ACE: variants seen among roughly 807,000 people sequenced by gnomAD.
ACE encodes angiotensin-converting enzyme.
Under a neutral mutation model 162.3 loss-of-function variants are expected in ACE, and 122 were observed. The ratio of observed to expected loss-of-function variants is 0.75; its 90% CI spans 0.65 to 0.87. ACE has a LOEUF of 0.87. ACE is among the 40% of genes least tolerant of loss of function. The probability of loss-of-function intolerance (pLI) is 0.00; values close to 1 mark genes in which losing one functional copy is unlikely to be tolerated. For synonymous variants in ACE, 796 were observed against 720.6 expected, an observed-to-expected ratio of 1.10 and a Z score of -1.68; for missense variants, 1,799 against 1,735.1, an observed-to-expected ratio of 1.04 and a Z score of -0.65.
chr17:63,477,753 C>T, intron 1 of ACE, 178 bp from the exon 2 acceptor site: 1 of 710,776 alleles, frequency 1.4e-6, no homozygotes. Context: ...GAGGCAGATT[C>T]CCTCCAGAAG....
intron 3 of ACE, among the ~76,000 whole-genome samples, 178 bp downstream of exon 3, chr17:63,479,278 T>G (rs911752088): frequency 6.6e-6 from 1 of 152,110 alleles, no homozygotes; most frequent in African/African-American, 2.4e-5. Context: ...TCTTGGCAAG[T>G]GGACTTCCGG....
At chr17:63,488,914 G>A in intron 16 of ACE, 27 bp from the exon 17 acceptor site, 1 of 1,613,920 alleles carries the variant, frequency 6.2e-7, no homozygotes, top group Non-Finnish European at 8.5e-7. Flanking sequence ...GTGGTGTTGG[G>A]AGAGCCTGGC....
At chr17:63,493,412 T>C (rs1209799441) in intron 19 of ACE, 24 bp from the exon 20 acceptor site, 1 of 1,610,792 alleles carries the variant, frequency 6.2e-7, no homozygotes, top group Non-Finnish European at 8.5e-7. Context: ...CCCAACACCC[T>C]CTCCCCCACT....
intron 23 of ACE, 109 bp from the exon 24 acceptor site, chr17:63,496,689 G>A: frequency 6.3e-7 from 1 of 1,581,008 alleles, no homozygotes; most frequent in South Asian, 1.1e-5. Context: ...GGAGCCCTGG[G>A]GCCCTGGGAC....
At position 63,491,087 on chromosome 17, in the gene ACE, G is replaced by T; in HGVS notation, c.2739+36G>T. 1.2e-6 allele frequency: 2 copies of T among 1,612,292 alleles called. No homozygotes were observed. The highest frequency in any genetic ancestry group is 1.7e-6 in the Non-Finnish European group (2 of 1,178,562). Reference sequence around the variant, plus strand: ...GCCCAGGGGCAGGGAGGCCCCGCCGGGATGGGAGGGACCCTCTGATTCAGG... The same window carrying T: ...GCCCAGGGGCAGGGAGGCCCCGCCGTGATGGGAGGGACCCTCTGATTCAGG... On this transcript the variant is annotated intron_variant, in intron 18 of 24. Coordinates refer to ENST00000290866, the MANE Select transcript of ACE (RefSeq NM_000789.4). This position sits in a 1 kb window ranked among gnomAD's most constrained non-coding sequence, Gnocchi z 4.4.
chr17:63,482,577 G>C lies in ACE; in HGVS notation c.1230G>C (p.Arg410=), dbSNP rs1166655480. ...AGGATCTGCCCGTCTCCCTGCGTCG[G>C]GGGGCCAACCCCGGCTTCCATGAGG... The part of the protein sequence containing the change: ...QYKDLPVSLR[R]GANPGFHEAI... Residue 410 remains arginine, a synonymous_variant, in exon 8 of 25, where the codon CGG becomes CGC. Transcript: ENST00000290866. 1.9e-6 allele frequency: 3 copies of C among 1,614,090 alleles called. No homozygotes were observed. The highest frequency in any genetic ancestry group is 3.3e-5 in the Admixed American group (2 of 60,018).
chr17:63,483,576 C>T lies in ACE; in HGVS notation c.1586+18C>T, dbSNP rs1355248735. ...TACATCAGGTATTAGCGCCCCCACCCCACCCACCCCCAGTACTGTCACACC... is the reference window on the plus strand; with the variant it reads ...TACATCAGGTATTAGCGCCCCCACCTCACCCACCCCCAGTACTGTCACACC... On this transcript the variant is annotated intron_variant, in intron 10 of 24. Transcript: ENST00000290866. 1 of 1,262,742 alleles carries T rather than the reference C, an allele frequency of 7.9e-7. No homozygotes were observed. 78.2% of individuals were successfully genotyped at this position (1,262,742 alleles called of 1,614,324 possible). A position where few individuals can be genotyped will look rare whatever the true frequency, so the allele number is the denominator to read the frequency against.
chr17:63,486,365 A>G, intron 13 of ACE, 192 bp from the exon 14 acceptor site: 1 of 650,736 alleles, frequency 1.5e-6, no homozygotes, highest in Non-Finnish European at 2.7e-6. Context: ...GCAGGCATCC[A>G]GGGAGGGTGA....
intron 1 of ACE, 96 bp downstream of exon 1, chr17:63,477,439 C>A: frequency 2.0e-6 from 2 of 1,018,674 alleles, no homozygotes; most frequent in Non-Finnish European, 2.4e-6. Context: ...GCGCCCCCGA[C>A]CCGAACCCCA....
In ACE at chr17:63,482,463, C is replaced by T. The variant is rs1047091674; in HGVS notation, c.1119-3C>T. The T allele has an allele frequency of 6.2e-7, 1 of 1,613,922 alleles. No homozygotes were observed. Among genetic ancestry groups the T allele is most frequent in the South Asian group, 1.1e-5 (1 of 91,040 alleles). ...TCTCACCCTCGCCCTCTCTACGCCC[C>T]AGGATCAAGCAGTGCACACGGGTCA... On this transcript the variant is annotated splice_polypyrimidine_tract_variant and splice_region_variant and intron_variant, in intron 7 of 24. Coordinates refer to ENST00000290866, the MANE Select transcript of ACE (RefSeq NM_000789.4).
At chr17:63,479,639 C>G in intron 3 of ACE, 130 bp from the exon 4 acceptor site, 2 of 1,297,722 alleles carry the variant, frequency 1.5e-6, no homozygotes, top group South Asian at 1.3e-5. Context: ...TAGGTGGCCC[C>G]TGTCTCTGGG....
At chr17:63,485,514 C>T (rs980330947) in intron 13 of ACE, 142 bp downstream of exon 13, 2 of 1,213,662 alleles carry the variant, frequency 1.6e-6, no homozygotes, top group African/African-American at 1.5e-5. Context: ...GGCGCGGTGG[C>T]TCACGCCTGT....
chr17:63,487,202 T>C, intron 15 of ACE, 129 bp downstream of exon 15: 6 of 785,380 alleles, frequency 7.6e-6, no homozygotes, highest in South Asian at 5.8e-5. Flanking sequence ...GAAATGCCCT[T>C]TCTTGTTTTC....
Position 63,489,063 on chromosome 17 carries a change from C to T in ACE, c.2572C>T (p.Arg858Trp), listed in dbSNP as rs762333619. Residue 858 changes from arginine (R) to tryptophan (W), a missense_variant, in exon 17 of 25, where the codon CGG becomes TGG. Coordinates refer to ENST00000290866, the MANE Select transcript of ACE (RefSeq NM_000789.4). The stretch of plus-strand genomic sequence containing the variant: ...CCTCAACCTGCATGCCTACGTGCGC[C>T]GGGCCCTGCACCGTCACTACGGGGC... ...LYLNLHAYVR[R>W]ALHRHYGAQH... 11 of 1,613,884 alleles carry T rather than the reference C, an allele frequency of 6.8e-6. No individual in the cohort carries two copies. Among genetic ancestry groups the T allele is most frequent in the Middle Eastern group, 1.6e-4 (1 of 6,084 alleles).
rs773953781 is a variant in ACE at position 63,486,552 on chromosome 17, C to T, written c.2059-5C>T. On this transcript the variant is annotated splice_polypyrimidine_tract_variant and splice_region_variant and intron_variant, in intron 13 of 24. Coordinates refer to ENST00000290866, the MANE Select transcript of ACE (RefSeq NM_000789.4). ...CCCTGTGACACCATCCCCCTGTGCC[C>T]TCAGCTGCAGAAGAACATGCAAATA... is the stretch of plus-strand genomic sequence containing the variant. 3.1e-6 allele frequency: 5 copies of T among 1,613,980 alleles called. No homozygotes were observed. In the African/African-American group the frequency reaches 6.7e-5, roughly 22 times the overall value.
chr17:63,493,548 G>A lies in ACE; in HGVS notation c.3025G>A (p.Gly1009Ser). The A allele has an allele frequency of 1.2e-6, 2 of 1,614,174 alleles. No individual in the cohort carries two copies. Among genetic ancestry groups the A allele is most frequent in the Admixed American group, 1.7e-5 (1 of 60,026 alleles). ...YKDLPVALRE[G>S]ANPGFHEAIG... The stretch of plus-strand genomic sequence containing the variant: ...AGACTTACCTGTGGCCTTGAGGGAG[G>A]GTGCCAACCCCGGCTTCCATGAGGC... Residue 1009 changes from glycine (G) to serine (S), a missense_variant, in exon 20 of 25, where the codon GGT (glycine) becomes AGT (serine). Transcript: ENST00000290866.
chr17:63,491,328 G>A lies in ACE; in HGVS notation c.2859G>A (p.Arg953=), dbSNP rs922132884. ...KSMLEKPTDG[R]EVVCHASAWD... Reference sequence around the variant, plus strand: ...TGCTGGAGAAGCCAACCGACGGGCGGGAGGTGGTCTGCCACGCCTCGGCCT... The same window carrying A: ...TGCTGGAGAAGCCAACCGACGGGCGAGAGGTGGTCTGCCACGCCTCGGCCT... The change falls in exon 19 of 25, where the codon CGG becomes CGA. Residue 953 remains arginine (R), a synonymous_variant. Transcript: ENST00000290866. The surrounding 1 kb of genome is among the most constrained non-coding windows in gnomAD (Gnocchi z 4.4). 4 of 1,614,060 alleles carry A rather than the reference G, an allele frequency of 2.5e-6. No homozygotes were observed. In the African/African-American group the frequency reaches 5.3e-5, roughly 22 times the overall value.
Position 63,491,275 on chromosome 17 carries a change from G to T in ACE, c.2806G>T (p.Val936Leu). Residue 936 changes from valine (V) to leucine (L), a missense_variant, in exon 19 of 25, where the codon GTG becomes TTG. Coordinates refer to ENST00000290866, the MANE Select transcript of ACE (RefSeq NM_000789.4). This position sits in a 1 kb window ranked among gnomAD's most constrained non-coding sequence, Gnocchi z 4.4. ...DFFTSLGLLPVPPEFWNKSML... is the reference protein window; with the variant it reads ...DFFTSLGLLPLPPEFWNKSML... ...CTTCACCTCCCTGGGGCTGCTGCCC[G>T]TGCCTCCTGAGTTCTGGAACAAGTC... 2 of 1,614,152 alleles carry T rather than the reference G, an allele frequency of 1.2e-6. No individual in the cohort carries two copies. The highest frequency in any genetic ancestry group is 1.3e-5 in the African/African-American group (1 of 75,048).
At chr17:63,489,757 T>A (rs1841219161) in intron 17 of ACE, 1 of 159,650 alleles carries the variant, frequency 6.3e-6, no homozygotes, top group Non-Finnish European at 1.4e-5. Context: ...AACACTTTCC[T>A]GGAGCAGAGA....
Sources: allele counts gnomAD v4.1 joint callset (sites outside exome capture counted in the v4.1 genomes callset), GRCh38; gene constraint gnomAD v4.1.1; non-coding constraint Gnocchi (gnomAD v3.1); transcripts MANE v1.5; gene names NCBI Gene and HGNC (gene_info 2026-07-23, HGNC 2026-07-21).